The following DENND5A variants were observed in gnomAD, a reference collection of about 807,000 sequenced individuals.
The protein encoded by DENND5A is DENN domain-containing protein 5A.
A neutral mutation model predicts 140.3 loss-of-function variants in DENND5A; 64 were observed. That is an observed-to-expected ratio of 0.46 (90% confidence interval 0.37 to 0.56). The LOEUF (loss-of-function observed/expected upper bound fraction) is 0.56. DENND5A is among the 20% of genes least tolerant of loss of function. DENND5A has a pLI of 0.00. For synonymous variants in DENND5A, 605 were observed against 607.7 expected (o/e 1.00, Z 0.07); for missense variants, 1,292 against 1,593.8 (o/e 0.81, Z 3.22).
At chr11:9,180,176 T>C (rs897529653) in intron 6 of DENND5A, among the ~76,000 whole-genome samples, 9 of 152,154 alleles carry the variant, frequency 5.9e-5, no homozygotes, top group South Asian at 4.1e-4. Flanking sequence ...GATCTGGGCC[T>C]GGCACGGTGG....
intron 1 of DENND5A, among the ~76,000 whole-genome samples, chr11:9,247,363 G>A (rs1303442031): frequency 2.0e-5 from 3 of 151,976 alleles, no homozygotes; most frequent in African/African-American, 7.2e-5. Context: ...TATCAGTGTA[G>A]ATAACTGGTT....
intron 1 of DENND5A, among the ~76,000 whole-genome samples, chr11:9,261,890 A>C (rs1852217518): frequency 6.6e-6 from 1 of 152,060 alleles, no homozygotes; most frequent in Admixed American, 6.6e-5. Context: ...TACTCTAACA[A>C]AGGCCACCTA....
At chr11:9,253,545 T>C (rs1054100981) in intron 1 of DENND5A, among the ~76,000 whole-genome samples, 2 of 151,680 alleles carry the variant, frequency 1.3e-5, no homozygotes, top group African/African-American at 4.8e-5. Context: ...GGAGTATCAC[T>C]GTTCAAGCTG....
intron 15 of DENND5A, among the ~76,000 whole-genome samples, chr11:9,148,997 C>T (rs1011477273): frequency 6.6e-6 from 1 of 152,176 alleles, no homozygotes; most frequent in Non-Finnish European, 1.5e-5. Flanking sequence ...AGAAAGAGAA[C>T]AAGATGGTAT....
chr11:9,232,648 G>A (rs1331274794), intron 1 of DENND5A, among the ~76,000 whole-genome samples: 36 of 152,238 alleles, frequency 2.4e-4, no homozygotes, highest in Admixed American at 2.3e-3. Flanking sequence ...CAATCACTAT[G>A]GAAAACTGTC....
chr11:9,187,736 T>C (rs1848966900), intron 5 of DENND5A, among the ~76,000 whole-genome samples: 2 of 152,196 alleles, frequency 1.3e-5, no homozygotes, highest in Non-Finnish European at 2.9e-5. Context: ...GCCTCCTTCC[T>C]GAACTCAGAC....
chr11:9,262,246 G>A (rs369315091), intron 1 of DENND5A, among the ~76,000 whole-genome samples: 1 of 152,114 alleles, frequency 6.6e-6, no homozygotes, highest in Non-Finnish European at 1.5e-5. Flanking sequence ...AGGAGAGCAG[G>A]AATATTACCC....
chr11:9,141,252 A>G (rs1336639621), intron 22 of DENND5A, among the ~76,000 whole-genome samples: 2 of 152,162 alleles, frequency 1.3e-5, no homozygotes, highest in African/African-American at 2.4e-5. Context: ...CTCTGCTTCA[A>G]ACTTCCCCAG....
chr11:9,228,804 C>A (rs1375920867), intron 1 of DENND5A, among the ~76,000 whole-genome samples: 24 of 152,088 alleles, frequency 1.6e-4, no homozygotes, highest in Admixed American at 1.6e-3. Flanking sequence ...GTGCACTCAG[C>A]GTGAGCACGA....
intron 1 of DENND5A, among the ~76,000 whole-genome samples, chr11:9,256,945 A>C (rs1428069913): frequency 6.6e-6 from 1 of 152,212 alleles, no homozygotes; most frequent in Admixed American, 6.6e-5. Flanking sequence ...TGATAAAGCA[A>C]ATGGGGCAAA....
At chr11:9,176,771 C>A (rs759523793) in intron 8 of DENND5A, 2 of 395,738 alleles carry the variant, frequency 5.1e-6, no homozygotes, top group South Asian at 1.9e-5. Context: ...CAACTGCTTA[C>A]TCATAATTCA....
intron 12 of DENND5A, among the ~76,000 whole-genome samples, chr11:9,159,597 T>C (rs1191414225): frequency 6.6e-6 from 1 of 152,200 alleles, no homozygotes; most frequent in Non-Finnish European, 1.5e-5. Context: ...GGATTACAGG[T>C]GTGAGCCACT....
intron 1 of DENND5A, among the ~76,000 whole-genome samples, chr11:9,216,347 C>T (rs925546832): frequency 6.6e-6 from 1 of 152,206 alleles, no homozygotes; most frequent in African/African-American, 2.4e-5. Context: ...TGAAGGTATG[C>T]ATTAGCTCTT....
At chr11:9,183,279 T>C (rs1021626783) in intron 5 of DENND5A, among the ~76,000 whole-genome samples, 1 of 152,198 alleles carries the variant, frequency 6.6e-6, no homozygotes, top group Non-Finnish European at 1.5e-5. Context: ...ATATTACCAA[T>C]GTCATAGACT....
chr11:9,197,550 C>T (rs761760669), intron 4 of DENND5A, among the ~76,000 whole-genome samples: 8 of 151,530 alleles, frequency 5.3e-5, no homozygotes, highest in Non-Finnish European at 8.8e-5. Flanking sequence ...CAAAAATTAG[C>T]CAGGTGTGGT....
chr11:9,190,028 C>T (rs145462765), intron 5 of DENND5A, among the ~76,000 whole-genome samples: 1,747 of 152,270 alleles, frequency 0.011, 34 homozygotes, highest in African/African-American at 0.039. Flanking sequence ...TTGACTGCCC[C>T]GCTGGATTTC....
intron 15 of DENND5A, 131 bp downstream of exon 15, chr11:9,149,950 C>G (rs959430226): frequency 7.8e-7 from 1 of 1,282,744 alleles, no homozygotes; most frequent in Non-Finnish European, 1.0e-6. Flanking sequence ...ACTGCAAAAC[C>G]TTCATAAGCA....
chr11:9,143,434 A>G lies in DENND5A; in HGVS notation c.3356T>C (p.Ile1119Thr). Reference protein sequence around the residue: ...QESIGEAVNGIVKHFHKPEKE... With the variant: ...QESIGEAVNGTVKHFHKPEKE... ...CTCAGGCTTATGGAAGTGCTTCACA[A>G]TGCCATTGACTGCCTCCCCGATGGA... is the stretch of plus-strand genomic sequence containing the variant. The change falls in exon 20 of 23, where the codon ATT (isoleucine) becomes ACT (threonine). Residue 1119 changes from isoleucine (I) to threonine (T), a missense_variant. Ile to Thr is a moderately conservative substitution (Grantham distance 89). This residue lies in a region of DENND5A where 498 missense variants were observed against 689.7 expected (regional missense o/e 0.72). Transcript: ENST00000328194. The G allele has an allele frequency of 6.2e-7, 1 of 1,614,212 alleles. No homozygotes were observed. The highest frequency in any genetic ancestry group is 8.5e-7 in the Non-Finnish European group (1 of 1,180,014).
intron 1 of DENND5A, among the ~76,000 whole-genome samples, chr11:9,208,492 C>G (rs1849765418): frequency 6.6e-6 from 1 of 152,188 alleles, no homozygotes; most frequent in Admixed American, 6.5e-5. Flanking sequence ...AAATCAATCC[C>G]AAAGGCACCT....
Sources: allele counts gnomAD v4.1 joint callset (sites outside exome capture counted in the v4.1 genomes callset), GRCh38; gene constraint gnomAD v4.1.1; regional missense constraint gnomAD v4.1.1; transcripts MANE v1.5; gene names NCBI Gene and HGNC (gene_info 2026-07-23, HGNC 2026-07-21).